Variants in PTPRD observed in about 807,000 individuals in gnomAD.
The protein encoded by PTPRD is receptor-type tyrosine-protein phosphatase delta.
In PTPRD, 34 loss-of-function variants were observed where a neutral mutation model predicts 214.5. That is an observed-to-expected ratio of 0.16 (90% confidence interval 0.12 to 0.21). The LOEUF (loss-of-function observed/expected upper bound fraction) is 0.21. PTPRD is among the 10% of genes least tolerant of loss of function. PTPRD has a pLI of 1.00. For synonymous variants in PTPRD, 1,128 were observed against 845.7 expected, an observed-to-expected ratio of 1.33 and a Z score of -5.79; for missense variants, 2,545 against 2,398.7, an observed-to-expected ratio of 1.06 and a Z score of -1.27.
At chr9:9,549,808 A>G (rs2079746529) in intron 8 of PTPRD, among the ~76,000 whole-genome samples, 1 of 152,122 alleles carries the variant, frequency 6.6e-6, no homozygotes, top group Non-Finnish European at 1.5e-5. Context: ...ATAGTCTTAA[A>G]TACAAAACAC....
At chr9:9,290,551 G>A (rs1198824016) in intron 9 of PTPRD, among the ~76,000 whole-genome samples, 1 of 151,364 alleles carries the variant, frequency 6.6e-6, no homozygotes, top group East Asian at 2.0e-4. Flanking sequence ...GTTCTGCTAT[G>A]TAAGTCTTTA....
At chr9:8,516,572 A>C (rs1463796335) in intron 21 of PTPRD, among the ~76,000 whole-genome samples, 1 of 152,144 alleles carries the variant, frequency 6.6e-6, no homozygotes, top group African/African-American at 2.4e-5. Flanking sequence ...AATAGATGAT[A>C]GGTACATTAT....
intron 10 of PTPRD, among the ~76,000 whole-genome samples, chr9:9,103,837 C>T (rs1434840020): frequency 1.3e-5 from 2 of 152,046 alleles, no homozygotes; most frequent in Non-Finnish European, 2.9e-5. Flanking sequence ...AAAAAATTAG[C>T]TGGGCGTGGT....
At chr9:9,267,014 T>A (rs1940149072) in intron 9 of PTPRD, among the ~76,000 whole-genome samples, 1 of 151,250 alleles carries the variant, frequency 6.6e-6, no homozygotes, top group Non-Finnish European at 1.5e-5. Context: ...TAAGAGTTCA[T>A]TTTCTGTAAA....
intron 2 of PTPRD, among the ~76,000 whole-genome samples, chr9:10,518,536 T>A (rs1355791807): frequency 2.1e-5 from 3 of 145,116 alleles, no homozygotes; most frequent in African/African-American, 2.5e-5. Flanking sequence ...TCATTTACAA[T>A]TTTTTTTTTT....
chr9:9,977,911 T>C (rs368904237), intron 4 of PTPRD, among the ~76,000 whole-genome samples: 1 of 141,554 alleles, frequency 7.1e-6, no homozygotes, highest in Non-Finnish European at 1.6e-5. Flanking sequence ...TGAAAAAATA[T>C]ATTTAACATA....
intron 9 of PTPRD, among the ~76,000 whole-genome samples, chr9:9,219,049 G>A (rs548974913): frequency 8.5e-5 from 13 of 152,160 alleles, no homozygotes; most frequent in African/African-American, 3.1e-4. Context: ...ACTAAACAAA[G>A]TCTCTTTTCA....
intron 2 of PTPRD, among the ~76,000 whole-genome samples, chr9:10,355,054 A>T (rs890380402): frequency 3.3e-5 from 5 of 152,202 alleles, no homozygotes; most frequent in Non-Finnish European, 7.3e-5. Context: ...TAAATTTCTT[A>T]GAATTGTAAA....
At chr9:8,884,565 A>G (rs1045828081) in intron 11 of PTPRD, among the ~76,000 whole-genome samples, 6 of 152,218 alleles carry the variant, frequency 3.9e-5, no homozygotes, top group African/African-American at 1.4e-4. Flanking sequence ...AAAAGGCACT[A>G]TGGAGCCAGA....
chr9:9,986,841 G>C (rs1187801457), intron 4 of PTPRD, among the ~76,000 whole-genome samples: 1 of 152,000 alleles, frequency 6.6e-6, no homozygotes, highest in Non-Finnish European at 1.5e-5. Context: ...TGTACAATGG[G>C]CATATAGTTA....
chr9:9,871,056 A>C (rs1411709674), intron 5 of PTPRD, among the ~76,000 whole-genome samples: 1 of 152,196 alleles, frequency 6.6e-6, no homozygotes, highest in Admixed American at 6.5e-5. Context: ...GAAAGGATAA[A>C]AATATGAATT....
At chr9:10,311,997 C>T (rs2096278818) in intron 3 of PTPRD, among the ~76,000 whole-genome samples, 1 of 151,814 alleles carries the variant, frequency 6.6e-6, no homozygotes, top group Non-Finnish European at 1.5e-5. Flanking sequence ...CAGTTAATTG[C>T]TTGTGTTTCT....
intron 11 of PTPRD, among the ~76,000 whole-genome samples, chr9:8,750,067 A>G (rs1320013430): frequency 6.6e-6 from 1 of 150,746 alleles, no homozygotes; most frequent in Non-Finnish European, 1.5e-5. Flanking sequence ...GCGCCACTGC[A>G]CTCCAGCCTG....
intron 11 of PTPRD, among the ~76,000 whole-genome samples, chr9:8,872,701 C>T (rs1180776584): frequency 6.6e-6 from 1 of 152,186 alleles, no homozygotes; most frequent in Non-Finnish European, 1.5e-5. Flanking sequence ...ATAAATCTAT[C>T]ATTCTTTCTT....
At chr9:9,364,587 T>A (rs1164790493) in intron 9 of PTPRD, among the ~76,000 whole-genome samples, 1 of 151,280 alleles carries the variant, frequency 6.6e-6, no homozygotes, top group African/African-American at 2.4e-5. Flanking sequence ...AGAAACGGTC[T>A]TGAGTGGCAG....
chr9:9,137,791 T>G (rs946754750), intron 10 of PTPRD, among the ~76,000 whole-genome samples: 3 of 152,166 alleles, frequency 2.0e-5, no homozygotes, highest in African/African-American at 7.2e-5. Context: ...TCCATTTGTC[T>G]CATGAGGTTG....
At chr9:9,008,424 T>A (rs759619817) in intron 11 of PTPRD, among the ~76,000 whole-genome samples, 6 of 151,826 alleles carry the variant, frequency 4.0e-5, no homozygotes, top group Non-Finnish European at 7.4e-5. Flanking sequence ...AGACGGGGTT[T>A]CACCGTGTTA....
chr9:8,816,733 A>G (rs1236298406), intron 11 of PTPRD, among the ~76,000 whole-genome samples: 1 of 152,240 alleles, frequency 6.6e-6, no homozygotes, highest in Non-Finnish European at 1.5e-5. Context: ...CCATATCAAC[A>G]TGTTAAATTA....
intron 5 of PTPRD, among the ~76,000 whole-genome samples, chr9:9,883,970 T>G (rs73400654): frequency 0.011 from 1,687 of 152,272 alleles, 40 homozygotes; most frequent in African/African-American, 0.039. Context: ...TTTCTTCCTT[T>G]TTTTTAAAGT....
Sources: allele counts gnomAD v4.1 joint callset (sites outside exome capture counted in the v4.1 genomes callset), GRCh38; gene constraint gnomAD v4.1.1; transcripts MANE v1.5; gene names NCBI Gene and HGNC (gene_info 2026-07-23, HGNC 2026-07-21).